Variants in SOS1 observed in about 807,000 individuals in gnomAD.
The protein encoded by SOS1 is son of sevenless homolog 1.
In SOS1, 25 loss-of-function variants were observed where a neutral mutation model predicts 157.6. The observed-to-expected ratio is 0.16, with a 90% confidence interval of 0.12 to 0.22. The LOEUF is 0.22. Among genes scored for constraint, SOS1 ranks in the 10% least tolerant of loss-of-function variants. SOS1 has a pLI of 1.00. For synonymous variants in SOS1, 528 were observed against 534.0 expected, an observed-to-expected ratio of 0.99 and a Z score of 0.16; for missense variants, 1,237 against 1,599.1, an observed-to-expected ratio of 0.77 and a Z score of 3.86.
Position 39,051,124 on chromosome 2 carries a change from T to C in SOS1, c.864+20A>G. The C allele has an allele frequency of 6.2e-7, 1 of 1,611,682 alleles. No individual in the cohort carries two copies. Among genetic ancestry groups the C allele is most frequent in the South Asian group, 1.1e-5 (1 of 91,024 alleles). On this transcript the variant is annotated intron_variant, in intron 6 of 22. Coordinates refer to ENST00000402219, the MANE Select transcript of SOS1 (RefSeq NM_005633.4). ...TAGGCTTTTATGCAGACTTTTCGGG[T>C]ATATAATTGAAGTACTTACCTCTGC...
intron 19 of SOS1, among the ~76,000 whole-genome samples, chr2:38,996,232 G>A (rs1302854677): frequency 6.6e-6 from 1 of 152,178 alleles, no homozygotes; most frequent in Admixed American, 6.5e-5. Context: ...TGGGACTACA[G>A]GCTCCCGCCA....
At chr2:38,993,114 ACCTTC>A (rs1252606211) in intron 20 of SOS1, 1 of 151,708 alleles carries the variant, frequency 6.6e-6, no homozygotes, top group African/African-American at 2.4e-5. Flanking sequence ...AGACTCCATG[ACCTTC>A]AGTCACCAAA....
chr2:39,029,248 A>C (rs967912415), intron 8 of SOS1, among the ~76,000 whole-genome samples: 2 of 152,224 alleles, frequency 1.3e-5, no homozygotes, highest in Non-Finnish European at 2.9e-5. Flanking sequence ...TTATGAAAAC[A>C]TATCTTTTAA....
chr2:39,047,640 T>C (rs1014623025), intron 6 of SOS1, among the ~76,000 whole-genome samples: 11 of 152,214 alleles, frequency 7.2e-5, no homozygotes, highest in Admixed American at 2.0e-4. Flanking sequence ...GTTTTAGTTA[T>C]TGATTTGTAG....
chr2:39,078,523 A>C (rs867400853), intron 1 of SOS1, among the ~76,000 whole-genome samples: 11 of 152,252 alleles, frequency 7.2e-5, no homozygotes, highest in African/African-American at 2.4e-4. Context: ...CAGGCCACAG[A>C]GCAGGTGAGC....
At chr2:39,093,416 C>T (rs1393188126) in intron 1 of SOS1, among the ~76,000 whole-genome samples, 1 of 152,134 alleles carries the variant, frequency 6.6e-6, no homozygotes, top group Admixed American at 6.5e-5. Flanking sequence ...TCCACCAAGA[C>T]ATAAGAGGGT....
At chr2:39,005,098 T>C (rs530959207) in intron 17 of SOS1, among the ~76,000 whole-genome samples, 85 of 152,318 alleles carry the variant, frequency 5.6e-4, no homozygotes, top group Non-Finnish European at 1.1e-3. Context: ...TAGGTAGTAC[T>C]AAACCCTATA....
chr2:39,040,210 C>A (rs533756643), intron 6 of SOS1, among the ~76,000 whole-genome samples: 66 of 151,416 alleles, frequency 4.4e-4, no homozygotes, highest in Non-Finnish European at 4.4e-5. Flanking sequence ...GTAGAGATGG[C>A]GTTTCACCGT....
chr2:39,119,084 A>AC (rs1450776729), intron 1 of SOS1, among the ~76,000 whole-genome samples: 2 of 152,276 alleles, frequency 1.3e-5, no homozygotes, highest in East Asian at 3.9e-4. Context: ...GACCTCCTAC[A>AC]CCCCTTCCAT....
chr2:38,995,811 G>C (rs547421718), intron 19 of SOS1, among the ~76,000 whole-genome samples: 1 of 152,266 alleles, frequency 6.6e-6, no homozygotes, highest in African/African-American at 2.4e-5. Context: ...AGGACCATTT[G>C]AGATATTTAC....
upstream of SOS1, among the ~76,000 whole-genome samples, chr2:39,123,668 A>G (rs371881835): frequency 2.0e-5 from 3 of 148,834 alleles, no homozygotes; most frequent in African/African-American, 5.0e-5. Context: ...GAGATCAACA[A>G]TCTTGTGCGT....
rs2124520154 is a variant in SOS1 at position 39,014,770 on chromosome 2, T to C, written c.1935A>G (p.Ile645Met). ...TATTTTTTAAATGGACAGACCTTTCTATTATAAGACTCAGTAGTTCTTGAG... is the reference window on the plus strand; with the variant it reads ...TATTTTTTAAATGGACAGACCTTTCCATTATAAGACTCAGTAGTTCTTGAG... ...CKPQELLSLI[I>M]ERFEIPEPEP... The change falls in exon 11 of 23, where the codon ATA (isoleucine) becomes ATG (methionine). Residue 645 changes from isoleucine to methionine, a missense_variant. Transcript: ENST00000402219. The C allele has an allele frequency of 2.0e-6, 3 of 1,524,928 alleles. No homozygotes were observed. Among genetic ancestry groups the C allele is most frequent in the Non-Finnish European group, 2.7e-6 (3 of 1,100,984 alleles). The allele number at this position is 1,524,928 out of a possible 1,614,324, so 94.5% of individuals were successfully genotyped here. A position where few individuals can be genotyped will look rare whatever the true frequency, so the allele number is the denominator to read the frequency against.
intron 8 of SOS1, among the ~76,000 whole-genome samples, chr2:39,025,825 G>A (rs1572833141): frequency 6.6e-6 from 1 of 152,098 alleles, no homozygotes; most frequent in East Asian, 1.9e-4. Flanking sequence ...ATGCACTGAT[G>A]ACCTGTGAAA....
chr2:39,105,199 T>A (rs1324217602), intron 1 of SOS1, among the ~76,000 whole-genome samples: 1 of 152,196 alleles, frequency 6.6e-6, no homozygotes, highest in East Asian at 1.9e-4. Flanking sequence ...AACTGAAATT[T>A]AAGTTAGCTT....
intron 2 of SOS1, among the ~76,000 whole-genome samples, chr2:39,062,354 G>C (rs963595599): frequency 7.8e-4 from 117 of 149,988 alleles, no homozygotes; most frequent in African/African-American, 2.8e-3. Context: ...GGAGGCGAAA[G>C]TTGCAGTGAG....
chr2:39,124,040 T>C (rs1444595131), upstream of SOS1: 1 of 152,206 alleles, frequency 6.6e-6, no homozygotes, highest in African/African-American at 2.4e-5. Flanking sequence ...ACAGGGCGGG[T>C]AACTGGAGAG....
Position 39,022,797 on chromosome 2 carries a change from A to G in SOS1, c.1631T>C (p.Leu544Ser). 2 of 1,613,630 alleles carry G rather than the reference A, an allele frequency of 1.2e-6. No homozygotes were observed. Among genetic ancestry groups the G allele is most frequent in the South Asian group, 1.1e-5 (1 of 91,074 alleles). The stretch of plus-strand genomic sequence containing the variant: ...CCTTTCCAGTGTACTCCGGTACTGT[A>G]AAGATATCAATGCTGCCATCCAATT... ...KNNWMAALIS[L>S]QYRSTLERML... Residue 544 changes from leucine to serine, a missense_variant, in exon 10 of 23, where the codon TTA becomes TCA. This residue lies in a region of SOS1 where 210 missense variants were observed against 220.2 expected (regional missense o/e 0.95). Coordinates refer to ENST00000402219, the MANE Select transcript of SOS1 (RefSeq NM_005633.4).
intron 6 of SOS1, among the ~76,000 whole-genome samples, chr2:39,044,731 G>T (rs77851177): frequency 5.3e-5 from 8 of 152,274 alleles, no homozygotes; most frequent in African/African-American, 1.9e-4. Flanking sequence ...GGGTTCCACA[G>T]GGCCTATGCA....
intron 14 of SOS1, among the ~76,000 whole-genome samples, chr2:39,011,506 G>C (rs942824574): frequency 6.6e-6 from 1 of 151,906 alleles, no homozygotes; most frequent in African/African-American, 2.4e-5. Flanking sequence ...TTCTAACACT[G>C]TAATTTTCAG....
Sources: allele counts gnomAD v4.1 joint callset (sites outside exome capture counted in the v4.1 genomes callset), GRCh38; gene constraint gnomAD v4.1.1; regional missense constraint gnomAD v4.1.1; transcripts MANE v1.5; gene names NCBI Gene and HGNC (gene_info 2026-07-23, HGNC 2026-07-21).